The following AUTS2 variants were observed in gnomAD, a reference collection of about 807,000 sequenced individuals.
AUTS2 encodes the protein activator of transcription and developmental regulator AUTS2, also known as autism susceptibility gene 2 protein.
Under a neutral mutation model 112.4 loss-of-function variants are expected in AUTS2, and 17 were observed. The observed-to-expected ratio is 0.15, with a 90% CI of 0.10 to 0.23. AUTS2 has a LOEUF of 0.23. Among genes scored for constraint, AUTS2 ranks in the 10% least tolerant of loss-of-function variants. The pLI is 1.00. For synonymous variants in AUTS2, 751 were observed against 702.7 expected, an observed-to-expected ratio of 1.07 and a Z score of -1.09; for missense variants, 1,510 against 1,701.6, an observed-to-expected ratio of 0.89 and a Z score of 1.98.
intron 5 of AUTS2, among the ~76,000 whole-genome samples, chr7:70,527,399 A>G: frequency 6.6e-6 from 1 of 152,142 alleles, no homozygotes; most frequent in East Asian, 1.9e-4. Flanking sequence ...TTTCAAGGGC[A>G]TAGTCACTTG....
chr7:69,778,575 A>T (rs1166882426), intron 1 of AUTS2, among the ~76,000 whole-genome samples: 1 of 152,128 alleles, frequency 6.6e-6, no homozygotes, highest in Non-Finnish European at 1.5e-5. Flanking sequence ...CAGAGATATG[A>T]TGTTACCATG....
At chr7:70,619,848 A>T (rs1804576065) in intron 5 of AUTS2, among the ~76,000 whole-genome samples, 1 of 152,050 alleles carries the variant, frequency 6.6e-6, no homozygotes, top group African/African-American at 2.4e-5. Flanking sequence ...TCAGTTGCTA[A>T]TGACACAATC....
intron 1 of AUTS2, among the ~76,000 whole-genome samples, chr7:69,888,539 G>A: frequency 1.8e-5 from 1 of 55,248 alleles, no homozygotes; most frequent in Non-Finnish European, 3.6e-5. Context: ...CCAACATTGG[G>A]GATATATATA....
At chr7:70,611,593 G>C (rs999048231) in intron 5 of AUTS2, among the ~76,000 whole-genome samples, 1 of 152,150 alleles carries the variant, frequency 6.6e-6, no homozygotes, top group African/African-American at 2.4e-5. Flanking sequence ...TAATCCAGTG[G>C]GGAAATGGCT....
In AUTS2 at chr7:70,513,761, G is replaced by A. The variant is rs187587789; in HGVS notation, c.690+77980G>A. On this transcript the variant is annotated intron_variant, in intron 5 of 18. Coordinates refer to ENST00000342771, the MANE Select transcript of AUTS2 (RefSeq NM_015570.4). Reference sequence around the variant, plus strand: ...CTGCAACCTCTGCTCCTGGATTCAAGTGATTCGCATGTCTCAGCCTCCCAG... The same window carrying A: ...CTGCAACCTCTGCTCCTGGATTCAAATGATTCGCATGTCTCAGCCTCCCAG... 9.3e-5 allele frequency among the ~76,000 whole-genome samples: 14 copies of A among 151,060 alleles called. No individual in the cohort carries two copies. In the East Asian group the frequency reaches 2.7e-3, roughly 30 times the overall value.
At chr7:70,757,807 C>CTTTTTTTTTTTTTTTTTT (rs3974412) in intron 6 of AUTS2, among the ~76,000 whole-genome samples, 1 of 60,526 alleles carries the variant, frequency 1.7e-5, no homozygotes, top group Non-Finnish European at 2.8e-5. Flanking sequence ...TCCATGGCTT[C>CTTTTTTTTTTTTTTTTTT]TTTTTTTTTT....
intron 1 of AUTS2, among the ~76,000 whole-genome samples, chr7:69,667,271 A>T (rs1006411425): frequency 4.4e-4 from 67 of 152,050 alleles, no homozygotes; most frequent in African/African-American, 1.5e-3. Context: ...TACATTGAGG[A>T]TTAAGTTTCA....
chr7:69,950,078 G>T (rs922191672), intron 2 of AUTS2, among the ~76,000 whole-genome samples: 1 of 151,998 alleles, frequency 6.6e-6, no homozygotes, highest in African/African-American at 2.4e-5. Context: ...AATTGGGGCT[G>T]ATTTTTCCCT....
intron 2 of AUTS2, among the ~76,000 whole-genome samples, chr7:70,110,859 C>CTTTTTTTTTT (rs71077618): frequency 5.8e-4 from 48 of 82,790 alleles, no homozygotes; most frequent in African/African-American, 7.8e-4. Context: ...TTCTTTCTTT[C>CTTTTTTTTTT]TTTTTTTTTT....
chr7:69,602,018 GTGTATA>G (rs1420580798), intron 1 of AUTS2, among the ~76,000 whole-genome samples: 7 of 23,056 alleles, frequency 3.0e-4, no homozygotes, highest in South Asian at 1.6e-3. Context: ...ATATGTGTGT[GTGTATA>G]TATATATATA....
intron 2 of AUTS2, among the ~76,000 whole-genome samples, chr7:70,004,649 C>T (rs1003782298): frequency 2.0e-5 from 3 of 150,792 alleles, no homozygotes; most frequent in Non-Finnish European, 3.0e-5. Flanking sequence ...GAGTTTTGGC[C>T]GACTTAGAGG....
At chr7:69,857,695 T>A (rs1388517732) in intron 1 of AUTS2, among the ~76,000 whole-genome samples, 1 of 152,130 alleles carries the variant, frequency 6.6e-6, no homozygotes, top group Non-Finnish European at 1.5e-5. Context: ...GACTACTGTT[T>A]ATTAAGACAT....
chr7:70,306,714 T>C (rs1325432939), intron 4 of AUTS2, among the ~76,000 whole-genome samples: 1 of 152,232 alleles, frequency 6.6e-6, no homozygotes, highest in Non-Finnish European at 1.5e-5. Context: ...AACCATTTTG[T>C]TCATCAATAT....
At chr7:70,280,206 C>G (rs144044743) in intron 4 of AUTS2, among the ~76,000 whole-genome samples, 87 of 152,140 alleles carry the variant, frequency 5.7e-4, no homozygotes, top group African/African-American at 2.0e-3. Flanking sequence ...GCCCACTCCT[C>G]TACTCTCTTC....
At chr7:70,465,557 T>C (rs1797138234) in intron 5 of AUTS2, among the ~76,000 whole-genome samples, 1 of 152,144 alleles carries the variant, frequency 6.6e-6, no homozygotes, top group Admixed American at 6.5e-5. Flanking sequence ...TTGCAGGTAA[T>C]TGCCAATGAC....
chr7:69,945,623 T>C (rs1796779028), intron 2 of AUTS2, among the ~76,000 whole-genome samples: 1 of 152,166 alleles, frequency 6.6e-6, no homozygotes. Context: ...TGTTTGTTTT[T>C]TTGGGTTTTT....
intron 4 of AUTS2, among the ~76,000 whole-genome samples, chr7:70,137,454 A>G (rs1227657043): frequency 6.7e-6 from 1 of 150,182 alleles, no homozygotes; most frequent in Non-Finnish European, 1.5e-5. Flanking sequence ...GAGTGTGTGT[A>G]GGATTTTCTT....
intron 1 of AUTS2, among the ~76,000 whole-genome samples, chr7:69,670,071 T>C (rs997964041): frequency 6.6e-6 from 1 of 152,218 alleles, no homozygotes; most frequent in Non-Finnish European, 1.5e-5. Context: ...GGAGCTTATG[T>C]ACCAGAGAGG....
At chr7:69,840,718 G>A (rs1379544249) in intron 1 of AUTS2, among the ~76,000 whole-genome samples, 4 of 152,104 alleles carry the variant, frequency 2.6e-5, no homozygotes, top group Non-Finnish European at 5.9e-5. Flanking sequence ...CATCATTGGA[G>A]GTGACTATGA....
Sources: gnomAD v4.1 joint callset for allele counts (sites outside exome capture counted in the v4.1 genomes callset) on GRCh38, gnomAD v4.1.1 for gene constraint, MANE v1.5 for transcripts, NCBI Gene and HGNC (gene_info 2026-07-23, HGNC 2026-07-21) for gene names.